TLN2: variants seen among roughly 807,000 people sequenced by gnomAD.
TLN2 encodes the protein talin-2.
A neutral mutation model predicts 294.7 loss-of-function variants in TLN2; 118 were observed. The ratio of observed to expected loss-of-function variants is 0.40; its 90% CI spans 0.34 to 0.47. The LOEUF is 0.47. TLN2 is among the 20% of genes least tolerant of loss of function. The probability of loss-of-function intolerance (pLI) is 0.84; values close to 1 mark genes in which losing one functional copy is unlikely to be tolerated. For synonymous variants in TLN2, 1,431 were observed against 1,304.5 expected (o/e 1.10, Z -2.09); for missense variants, 3,083 against 3,282.2 (o/e 0.94, Z 1.48).
chr15:62,644,071 CA>C (rs1312506693), intron 3 of TLN2, among the ~76,000 whole-genome samples: 8 of 152,066 alleles, frequency 5.3e-5, no homozygotes, highest in Non-Finnish European at 8.8e-5. Context: ...CATACTTGCT[CA>C]GGAGACAAGT....
At chr15:62,785,856 G>A (rs926628642) in intron 45 of TLN2, among the ~76,000 whole-genome samples, 6 of 151,812 alleles carry the variant, frequency 4.0e-5, no homozygotes, top group Non-Finnish European at 5.9e-5. Flanking sequence ...TTTTTATTAC[G>A]ACAGAGACCA....
chr15:62,832,938 G>C (rs1242939984), intron 54 of TLN2: 1 of 151,764 alleles, frequency 6.6e-6, no homozygotes, highest in Non-Finnish European at 1.5e-5. Context: ...TTCAGTTATT[G>C]ATGTTGCTAA....
At chr15:62,415,995 A>G (rs928662401) in intron 1 of TLN2, among the ~76,000 whole-genome samples, 1 of 152,176 alleles carries the variant, frequency 6.6e-6, no homozygotes, top group Non-Finnish European at 1.5e-5. Flanking sequence ...ATGTTGGGGA[A>G]ATATAAATTA....
intron 1 of TLN2, among the ~76,000 whole-genome samples, chr15:62,458,256 C>T (rs2036592848): frequency 6.6e-6 from 1 of 152,130 alleles, no homozygotes; most frequent in Non-Finnish European, 1.5e-5. Flanking sequence ...AGTGTCTCTC[C>T]ATGCTAAGGG....
chr15:62,539,475 C>G (rs560708328), intron 1 of TLN2, among the ~76,000 whole-genome samples: 19 of 152,170 alleles, frequency 1.2e-4, no homozygotes, highest in African/African-American at 4.1e-4. Flanking sequence ...AGGGGCTGTT[C>G]CAGAGATTAG....
intron 1 of TLN2, among the ~76,000 whole-genome samples, chr15:62,505,810 C>G (rs532055700): frequency 1.3e-5 from 2 of 152,214 alleles, no homozygotes; most frequent in East Asian, 3.9e-4. Context: ...TAGTTTTTGA[C>G]CTTGTCTGCC....
At chr15:62,746,523 C>G (rs2061620537) in intron 32 of TLN2, among the ~76,000 whole-genome samples, 1 of 152,176 alleles carries the variant, frequency 6.6e-6, no homozygotes, top group African/African-American at 2.4e-5. Flanking sequence ...TTCCTATCAC[C>G]CTAGCTCAAT....
At position 62,566,186 on chromosome 15, in the gene TLN2, T is replaced by G. The variant is rs542461961; in HGVS notation, c.-237-23501T>G. The stretch of plus-strand genomic sequence containing the variant: ...CAGGTGTGAACAGGATAACTCCTGT[T>G]GGGGGCTTGGGGTGCGGGCAAGAGA... On this transcript the variant is annotated intron_variant, in intron 1 of 58. Coordinates refer to ENST00000636159, the MANE Select transcript of TLN2 (RefSeq NM_015059.3). Among the ~76,000 whole-genome samples the G allele has an allele frequency of 2.5e-4, 38 of 152,124 alleles. 1 individual carries two copies. Among genetic ancestry groups the G allele is most frequent in the South Asian group, 1.0e-3 (5 of 4,818 alleles).
chr15:62,790,525 G>T (rs1419100064), intron 45 of TLN2, among the ~76,000 whole-genome samples: 1 of 152,142 alleles, frequency 6.6e-6, no homozygotes, highest in African/African-American at 2.4e-5. Flanking sequence ...GGTTGAACTG[G>T]TAAGATCTTT....
chr15:62,431,045 T>A (rs2439712), intron 1 of TLN2, among the ~76,000 whole-genome samples: 1 of 152,024 alleles, frequency 6.6e-6, no homozygotes, highest in Non-Finnish European at 1.5e-5. Context: ...TCTGGATTCT[T>A]GTTAGAAATA....
intron 4 of TLN2, among the ~76,000 whole-genome samples, 183 bp downstream of exon 4, chr15:62,647,629 C>G (rs751602502): frequency 5.3e-5 from 8 of 152,198 alleles, no homozygotes; most frequent in African/African-American, 1.9e-4. Context: ...AGTGACCATG[C>G]CCACTGCTGA....
chr15:62,591,911 C>T (rs893292202), intron 2 of TLN2, among the ~76,000 whole-genome samples: 1 of 152,088 alleles, frequency 6.6e-6, no homozygotes, highest in African/African-American at 2.4e-5. Context: ...TGAGGACCCC[C>T]AGAGGGTGCT....
At chr15:62,720,738 T>C (rs2060091452) in intron 25 of TLN2, among the ~76,000 whole-genome samples, 1 of 151,872 alleles carries the variant, frequency 6.6e-6, no homozygotes, top group Non-Finnish European at 1.5e-5. Flanking sequence ...TCATCTAACA[T>C]ATTATGAGTG....
intron 1 of TLN2, among the ~76,000 whole-genome samples, chr15:62,488,655 T>TA (rs1255525344): frequency 6.6e-6 from 1 of 152,194 alleles, no homozygotes; most frequent in Non-Finnish European, 1.5e-5. Context: ...TGATGAAACA[T>TA]AAACGGAAAG....
intron 1 of TLN2, among the ~76,000 whole-genome samples, chr15:62,581,715 G>C (rs1441245569): frequency 1.3e-5 from 2 of 152,178 alleles, no homozygotes; most frequent in African/African-American, 4.8e-5. Flanking sequence ...AAAGAGTCGA[G>C]AAGTTTATTC....
chr15:62,801,142 C>T (rs2065903795), intron 50 of TLN2, among the ~76,000 whole-genome samples: 1 of 152,224 alleles, frequency 6.6e-6, no homozygotes, highest in South Asian at 2.1e-4. Context: ...TCTTGATGCA[C>T]ATTGCTCTTG....
intron 9 of TLN2, among the ~76,000 whole-genome samples, chr15:62,668,319 T>G (rs901553749): frequency 6.6e-6 from 1 of 152,208 alleles, no homozygotes; most frequent in Non-Finnish European, 1.5e-5. Flanking sequence ...TATGAAAACA[T>G]CACGTTGTAT....
Position 62,633,819 on chromosome 15 carries a change from T to C in TLN2, c.-36-13456T>C, listed in dbSNP as rs556757760. Among the ~76,000 whole-genome samples, 14 of 152,252 alleles carry C rather than the reference T, an allele frequency of 9.2e-5. 1 individual carries two copies. The South Asian group carries it at 2.7e-3, about 29-fold the overall frequency. Reference sequence around the variant, plus strand: ...AACTGGGTGGCTTAAATAACAAAAATTTATTGTCTCACAGTTCTGGAGGCT... The same window carrying C: ...AACTGGGTGGCTTAAATAACAAAAACTTATTGTCTCACAGTTCTGGAGGCT... On this transcript the variant is annotated intron_variant, in intron 3 of 58. Coordinates refer to ENST00000636159, the MANE Select transcript of TLN2 (RefSeq NM_015059.3).
At chr15:62,717,977 A>C (rs1176791991) in intron 24 of TLN2, among the ~76,000 whole-genome samples, 1 of 152,212 alleles carries the variant, frequency 6.6e-6, no homozygotes, top group Non-Finnish European at 1.5e-5. Flanking sequence ...TAGGGCTCTG[A>C]AATGGGAAGG....
Sources: allele counts gnomAD v4.1 joint callset (sites outside exome capture counted in the v4.1 genomes callset), GRCh38; gene constraint gnomAD v4.1.1; transcripts MANE v1.5; gene names NCBI Gene and HGNC (gene_info 2026-07-23, HGNC 2026-07-21).